The following NISCH variants were observed in gnomAD, a reference collection of about 807,000 sequenced individuals.
The protein encoded by NISCH is I-1 receptor candidate protein.
In NISCH, 55 loss-of-function variants were observed where a neutral mutation model predicts 138.4. That is an observed-to-expected ratio of 0.40 (90% CI 0.32 to 0.50). NISCH has a LOEUF of 0.50. NISCH is among the 20% of genes least tolerant of loss of function. The probability of loss-of-function intolerance (pLI) is 0.71; values close to 1 mark genes in which losing one functional copy is unlikely to be tolerated. For synonymous variants in NISCH, 860 were observed against 861.5 expected, an observed-to-expected ratio of 1.00 and a Z score of 0.03; for missense variants, 1,643 against 2,005.5, an observed-to-expected ratio of 0.82 and a Z score of 3.45.
chr3:52,487,887 A>AACCTGCACGAGTTCCACGCGG lies in NISCH; in HGVS notation c.2402_2422dup (p.His801_Leu807dup). 1 of 1,611,996 alleles carries AACCTGCACGAGTTCCACGCGG rather than the reference A, an allele frequency of 6.2e-7. No homozygotes were observed. Among genetic ancestry groups the AACCTGCACGAGTTCCACGCGG allele is most frequent in the East Asian group, 2.2e-5 (1 of 44,862 alleles). ...GCTCTTCATTATCTCGGACGCCGCC[A>AACCTGCACGAGTTCCACGCGG]ACCTGCACGAGTTCCACGCGGACCT... is the stretch of plus-strand genomic sequence containing the variant. On this transcript the variant is annotated inframe_insertion, in exon 16 of 21. Transcript: ENST00000345716. The surrounding 1 kb of genome is among the most constrained non-coding windows in gnomAD (Gnocchi z 9.1).
intron 11 of NISCH, 68 bp from the exon 12 acceptor site, chr3:52,479,681 A>G: frequency 8.8e-7 from 1 of 1,131,540 alleles, no homozygotes. Context: ...GCTGATAGCC[A>G]TCACCAGTCC....
Position 52,487,347 on chromosome 3 carries a change from C to G in NISCH, c.1855C>G (p.Pro619Ala), listed in dbSNP as rs749719465. Residue 619 changes from proline (P) to alanine (A), a missense_variant, in exon 16 of 21, where the codon CCT becomes GCT. Pro to Ala is a conservative substitution (Grantham distance 27). Transcript: ENST00000345716. This position sits in a 1 kb window ranked among gnomAD's most constrained non-coding sequence, Gnocchi z 9.1. ...LIRQAIERQLPAWIEAANQRE... is the reference protein window; with the variant it reads ...LIRQAIERQLAAWIEAANQRE... ...CCGGCAGGCCATCGAGCGGCAGCTG[C>G]CTGCCTGGATCGAGGCTGCCAACCA... is the stretch of plus-strand genomic sequence containing the variant. 1 of 1,614,074 alleles carries G rather than the reference C, an allele frequency of 6.2e-7. No individual in the cohort carries two copies. Among genetic ancestry groups the G allele is most frequent in the Non-Finnish European group, 8.5e-7 (1 of 1,180,040 alleles).
In NISCH at chr3:52,457,453, T is replaced by C. The variant is rs533037587; in HGVS notation, c.94-390T>C. The stretch of plus-strand genomic sequence containing the variant: ...AGGCTAGAACTGGCCCTGCTCTGCC[T>C]CCCTTGGAAGAAATGGCCTTGCCTG... On this transcript the variant is annotated intron_variant, in intron 1 of 20. Coordinates refer to ENST00000345716, the MANE Select transcript of NISCH (RefSeq NM_007184.4). Among the ~76,000 whole-genome samples, 9 of 152,336 alleles carry C rather than the reference T, an allele frequency of 5.9e-5. No homozygotes were observed. In the South Asian group the frequency reaches 1.4e-3, roughly 25 times the overall value.
chr3:52,480,179 C>T lies in NISCH; in HGVS notation c.1417-5C>T, dbSNP rs759022710. On this transcript the variant is annotated splice_region_variant and splice_polypyrimidine_tract_variant and intron_variant, in intron 12 of 20. Transcript: ENST00000345716. ...TCCCGGGCTGACTCAAGCACTCGTC[C>T]TCAGGGTGGTGAAGACTCCCGGCTC... is the stretch of plus-strand genomic sequence containing the variant. 1 of 1,613,852 alleles carries T rather than the reference C, an allele frequency of 6.2e-7. No individual in the cohort carries two copies. Among genetic ancestry groups the T allele is most frequent in the South Asian group, 1.1e-5 (1 of 91,078 alleles).
chr3:52,482,854 C>A (rs1453303964), intron 13 of NISCH, among the ~76,000 whole-genome samples: 1 of 152,190 alleles, frequency 6.6e-6, no homozygotes, highest in East Asian at 1.9e-4. Context: ...ATGAGGGCTG[C>A]CCTTTCCCAC....
At position 52,487,643 on chromosome 3, in the gene NISCH, T is replaced by C. The variant is rs568203275; in HGVS notation, c.2151T>C (p.His717=). The change falls in exon 16 of 21, where the codon CAT becomes CAC. Residue 717 remains histidine, a synonymous_variant. Coordinates refer to ENST00000345716, the MANE Select transcript of NISCH (RefSeq NM_007184.4). The surrounding 1 kb of genome is among the most constrained non-coding windows in gnomAD (Gnocchi z 9.1). ...ILKVLWCFLI[H]VQGSIRQFAA... is the part of the protein sequence containing the mutation. The stretch of plus-strand genomic sequence containing the variant: ...AGGTGCTGTGGTGCTTCCTGATCCA[T>C]GTGCAGGGCAGTATCCGCCAGTTCG... 3.1e-6 allele frequency: 5 copies of C among 1,613,860 alleles called. No homozygotes were observed. Among genetic ancestry groups the C allele is most frequent in the East Asian group, 2.2e-5 (1 of 44,880 alleles).
intron 11 of NISCH, 22 bp from the exon 12 acceptor site, chr3:52,479,727 A>G (rs1707212563): frequency 6.4e-7 from 1 of 1,565,130 alleles, no homozygotes; most frequent in African/African-American, 1.4e-5. Flanking sequence ...CCATGCTGAT[A>G]GCCACTTTCT....
chr3:52,492,611 T>A lies in NISCH; in HGVS notation c.*129T>A. The A allele has an allele frequency of 1.7e-6, 2 of 1,160,458 alleles. No homozygotes were observed. The highest frequency in any genetic ancestry group is 3.3e-5 in the South Asian group (2 of 61,446). 71.9% of individuals were successfully genotyped at this position (1,160,458 alleles called of 1,614,324 possible). A position where few individuals can be genotyped will look rare whatever the true frequency, so the allele number is the denominator to read the frequency against. On this transcript the variant is annotated 3_prime_UTR_variant, in exon 21 of 21. Transcript: ENST00000345716. ...AATTTGACTGTCCTCGCAGAGAATG[T>A]GAACATGTGTGTGTGTTGTGTTAAT...
intron 13 of NISCH, chr3:52,480,735 C>T: frequency 7.0e-7 from 1 of 1,425,448 alleles, no homozygotes; most frequent in Non-Finnish European, 9.1e-7. Context: ...ACTGCCTCAT[C>T]TCTGTGGGGT....
In NISCH at chr3:52,488,342, C is replaced by T. The variant is rs774278312; in HGVS notation, c.2850C>T (p.Thr950=). The change falls in exon 16 of 21, where the codon ACC becomes ACT. Residue 950 remains threonine, a synonymous_variant. Coordinates refer to ENST00000345716, the MANE Select transcript of NISCH (RefSeq NM_007184.4). ...AGCTCAGCCGTGTGCCGCTCTCCAC[C>T]GTGCTGCTGGACCCCACACGCAGCT... ...SFKLSRVPLS[T]VLLDPTRSCT... The T allele has an allele frequency of 1.2e-5, 20 of 1,613,274 alleles. No individual in the cohort carries two copies. The African/African-American group carries it at 1.6e-4, about 13-fold the overall frequency.
At chr3:52,484,462 T>TCG in intron 13 of NISCH, 51 bp from the exon 14 acceptor site, 3 of 788,668 alleles carry the variant, frequency 3.8e-6, no homozygotes, top group Non-Finnish European at 3.7e-6. Context: ...ACAGCCGCTC[T>TCG]CCCCGCCCCA....
At chr3:52,481,684 G>C (rs1314922737) in intron 13 of NISCH, 3 of 985,462 alleles carry the variant, frequency 3.0e-6, no homozygotes, top group African/African-American at 1.7e-5. Flanking sequence ...AGCCAGTGAA[G>C]AGCAGGCCCT....
intron 13 of NISCH, chr3:52,481,693 C>T (rs1215547134): frequency 1.0e-6 from 1 of 985,558 alleles, no homozygotes; most frequent in East Asian, 1.1e-4. Context: ...AGAGCAGGCC[C>T]TGGATGGGTG....
At chr3:52,484,410 C>G (rs1707353793) in intron 13 of NISCH, 103 bp from the exon 14 acceptor site, 1 of 1,162,224 alleles carries the variant, frequency 8.6e-7, no homozygotes, top group African/African-American at 1.5e-5. Context: ...TGGCTAACCC[C>G]CGCCATGCCA....
Position 52,492,391 on chromosome 3 carries a change from G to T in NISCH, c.4424G>T (p.Ser1475Ile), listed in dbSNP as rs751656628. 2.5e-6 allele frequency: 4 copies of T among 1,613,108 alleles called. No homozygotes were observed. The highest frequency in any genetic ancestry group is 3.4e-6 in the Non-Finnish European group (4 of 1,180,024). The stretch of plus-strand genomic sequence containing the variant: ...GTCCAGTGGCAGGTGTTTGTCCCCA[G>T]TGCTGAGAGCAGAGAGAAGCTCATC... ...REVQWQVFVPSAESREKLISL... is the reference protein window; with the variant it reads ...REVQWQVFVPIAESREKLISL... The change falls in exon 21 of 21, where the codon AGT becomes ATT. Residue 1475 changes from serine to isoleucine, a missense_variant. Transcript: ENST00000345716.
intron 3 of NISCH, among the ~76,000 whole-genome samples, chr3:52,469,878 G>A (rs1367156491): frequency 6.7e-6 from 1 of 150,084 alleles, no homozygotes; most frequent in Non-Finnish European, 1.5e-5. Context: ...TTACACCACT[G>A]CACTCTAGCC....
chr3:52,488,165 G>A lies in NISCH; in HGVS notation c.2673G>A (p.Arg891=). 1 of 1,613,292 alleles carries A rather than the reference G, an allele frequency of 6.2e-7. No individual in the cohort carries two copies. Among genetic ancestry groups the A allele is most frequent in the Non-Finnish European group, 8.5e-7 (1 of 1,179,974 alleles). The change falls in exon 16 of 21, where the codon CGG becomes CGA. Residue 891 remains arginine, a synonymous_variant. Transcript: ENST00000345716. ...WASCTLCSAV[R]RSCCAPSEAV... ...GCTGCACACTCTGTTCAGCCGTGCG[G>A]CGCTCCTGCTGCGCGCCCTCTGAGG...
rs377705799 is a variant in NISCH at position 52,488,586 on chromosome 3, C to T, written c.3094C>T (p.Pro1032Ser). 4 of 1,610,628 alleles carry T rather than the reference C, an allele frequency of 2.5e-6. No homozygotes were observed. Among genetic ancestry groups the T allele is most frequent in the African/African-American group, 2.7e-5 (2 of 74,914 alleles). ...SPQGSFADGQ[P>S]AERRASNDQR... ...CCAGGGCTCCTTTGCGGATGGCCAG[C>T]CTGCCGAGCGCAGGGCCAGGTGAGA... The change falls in exon 16 of 21, where the codon CCT (proline) becomes TCT (serine). Residue 1032 changes from proline (P) to serine (S), a missense_variant. Physicochemically the swap from Pro to Ser is moderately conservative, Grantham distance 74. Coordinates refer to ENST00000345716, the MANE Select transcript of NISCH (RefSeq NM_007184.4).
chr3:52,479,013 G>A (rs557379463), intron 11 of NISCH, among the ~76,000 whole-genome samples: 92 of 152,224 alleles, frequency 6.0e-4, no homozygotes, highest in African/African-American at 2.1e-3. Flanking sequence ...CAGTCCCCGT[G>A]ATGCTCTGAT....
Sources: allele counts gnomAD v4.1 joint callset (sites outside exome capture counted in the v4.1 genomes callset), GRCh38; gene constraint gnomAD v4.1.1; non-coding constraint Gnocchi (gnomAD v3.1); transcripts MANE v1.5; gene names NCBI Gene and HGNC (gene_info 2026-07-23, HGNC 2026-07-21).